ABCC4: variants seen among roughly 807,000 people sequenced by gnomAD.
The protein encoded by ABCC4 is ATP-binding cassette sub-family C member 4.
ABCC4 carries 102 observed loss-of-function variants against 168.5 expected under a neutral mutation model. That is an observed-to-expected ratio of 0.61 (90% CI 0.52 to 0.71). The LOEUF (loss-of-function observed/expected upper bound fraction) is 0.71. ABCC4 is among the 30% of genes least tolerant of loss of function. The pLI, the probability that ABCC4 is intolerant of heterozygous loss-of-function variation, is 0.00. For missense variants in ABCC4, 1,402 were observed against 1,605.8 expected (o/e 0.87, Z 2.17); for synonymous variants, 617 against 590.7 (o/e 1.04, Z -0.65).
At chr13:95,150,020 TG>T (rs1018735230) in intron 19 of ABCC4, among the ~76,000 whole-genome samples, 2 of 151,998 alleles carry the variant, frequency 1.3e-5, no homozygotes, top group Admixed American at 1.3e-4. Flanking sequence ...TTCCTAGGCT[TG>T]GGGGGGCAAT....
At chr13:95,159,176 T>C (rs1236046625) in intron 19 of ABCC4, among the ~76,000 whole-genome samples, 5 of 142,176 alleles carry the variant, frequency 3.5e-5, no homozygotes, top group African/African-American at 1.3e-4. Context: ...TTCTGAGGCG[T>C]AATTCACAGA....
At chr13:95,190,478 G>A (rs1159753101) in intron 9 of ABCC4, among the ~76,000 whole-genome samples, 1 of 152,178 alleles carries the variant, frequency 6.6e-6, no homozygotes, top group Non-Finnish European at 1.5e-5. Flanking sequence ...GCATGATAGG[G>A]ATAGTTTACC....
intron 20 of ABCC4, among the ~76,000 whole-genome samples, chr13:95,103,248 G>A (rs1303418700): frequency 2.0e-5 from 3 of 152,116 alleles, no homozygotes; most frequent in African/African-American, 7.2e-5. Flanking sequence ...CTGGGCGACA[G>A]AGCGAGACTC....
chr13:95,301,211 G>C (rs2041672297), intron 1 of ABCC4, 30 bp downstream of exon 1: 3 of 1,570,434 alleles, frequency 1.9e-6, no homozygotes, highest in African/African-American at 1.4e-5. Context: ...AGCGGCTGCA[G>C]GGTGACCTGT....
At chr13:95,162,757 T>C (rs1159046129) in intron 18 of ABCC4, among the ~76,000 whole-genome samples, 1 of 152,170 alleles carries the variant, frequency 6.6e-6, no homozygotes, top group East Asian at 1.9e-4. Context: ...ATTGGAACCA[T>C]CCGAACCACA....
chr13:95,058,594 A>AAAAG (rs1555306059), intron 26 of ABCC4, among the ~76,000 whole-genome samples: 4,995 of 39,434 alleles, frequency 0.13, 216 homozygotes, highest in East Asian at 0.22. Flanking sequence ...AAAAAAAAAG[A>AAAAG]AAAGAAAAAG....
chr13:95,071,094 C>T (rs2033708765), intron 25 of ABCC4, among the ~76,000 whole-genome samples: 2 of 151,976 alleles, frequency 1.3e-5, no homozygotes, highest in African/African-American at 2.4e-5. Flanking sequence ...TCTTTGCCTG[C>T]TGCCATCCAT....
At position 95,276,442 on chromosome 13, in the gene ABCC4, A is replaced by C. The variant is rs11840532; in HGVS notation, c.74+24799T>G. ...AAAAAAAAAAAAAAAAAGTGAACGA[A>C]GCTGCAATAAGCTGTGATCATACCA... On this transcript the variant is annotated intron_variant, in intron 1 of 30. Transcript: ENST00000645237. 3.2e-3 allele frequency among the ~76,000 whole-genome samples: 478 copies of C among 149,694 alleles called. 22 individuals are homozygous for C. In the East Asian group the frequency reaches 0.08, roughly 25 times the overall value.
rs913612776 is a variant in ABCC4 at position 95,188,629 on chromosome 13, T to C, written c.1264-87A>G. 12 of 1,070,058 alleles carry C rather than the reference T, an allele frequency of 1.1e-5. No individual in the cohort carries two copies. In the African/African-American group the frequency reaches 1.8e-4, roughly 16 times the overall value. The allele number at this position is 1,070,058 out of a possible 1,614,324, so 66.3% of individuals were successfully genotyped here. On this transcript the variant is annotated intron_variant, in intron 9 of 30. Transcript: ENST00000645237. ...AGAGAAGAAAACAATACAACAGTCA[T>C]TGATACATGAACATAACCCAAATCT...
chr13:95,068,380 C>G (rs1425583776), intron 25 of ABCC4, among the ~76,000 whole-genome samples: 1 of 152,198 alleles, frequency 6.6e-6, no homozygotes, highest in Non-Finnish European at 1.5e-5. Flanking sequence ...AATCCCAGCA[C>G]TTTGGGAGGT....
chr13:95,069,497 G>A (rs966802274), intron 25 of ABCC4, among the ~76,000 whole-genome samples: 3 of 152,158 alleles, frequency 2.0e-5, no homozygotes, highest in Middle Eastern at 3.2e-3. Flanking sequence ...ACTTGAAAAT[G>A]TTCAGTTCAA....
chr13:95,224,736 C>CAAA (rs57323662), intron 4 of ABCC4, among the ~76,000 whole-genome samples: 1 of 124,054 alleles, frequency 8.1e-6, no homozygotes. Flanking sequence ...GACTCTGTCT[C>CAAA]AAAAAAAAAA....
At chr13:95,057,920 T>G (rs2033125705) in intron 26 of ABCC4, among the ~76,000 whole-genome samples, 2 of 152,198 alleles carry the variant, frequency 1.3e-5, no homozygotes, top group African/African-American at 4.8e-5. Context: ...GAGGGGTGTA[T>G]GCTTTCTGCA....
intron 1 of ABCC4, among the ~76,000 whole-genome samples, chr13:95,282,246 T>C (rs1334558824): frequency 6.6e-6 from 1 of 151,708 alleles, no homozygotes; most frequent in African/African-American, 2.4e-5. Context: ...GCCCGTAATA[T>C]GGGTGATAAA....
Position 95,163,219 on chromosome 13 carries a change from A to G in ABCC4, c.2214-3T>C, listed in dbSNP as rs765881798. 2 of 1,592,632 alleles carry G rather than the reference A, an allele frequency of 1.3e-6. No homozygotes were observed. Among genetic ancestry groups the G allele is most frequent in the African/African-American group, 1.3e-5 (1 of 74,348 alleles). On this transcript the variant is annotated splice_region_variant and splice_polypyrimidine_tract_variant and intron_variant, in intron 17 of 30. Transcript: ENST00000645237. ...TTAGCATACTTTGTTTGTTTGCCCT[A>G]TGGAACATGGGGAGAAAAAAATATT... is the stretch of plus-strand genomic sequence containing the variant.
At chr13:95,064,086 AT>A (rs2033402389) in intron 25 of ABCC4, among the ~76,000 whole-genome samples, 3 of 152,074 alleles carry the variant, frequency 2.0e-5, no homozygotes, top group Non-Finnish European at 2.9e-5. Flanking sequence ...TCCACAAGGA[AT>A]TTTATCTTTA....
intron 1 of ABCC4, chr13:95,266,100 TGTGA>T (rs566723441): frequency 6.6e-6 from 1 of 152,218 alleles, no homozygotes; most frequent in Non-Finnish European, 1.5e-5. Flanking sequence ...CCCCAGTACC[TGTGA>T]GTATTACCTT....
At position 95,075,508 on chromosome 13, in the gene ABCC4, C is replaced by A. The variant is rs200537370; in HGVS notation, c.2730G>T (p.Gly910=). The change falls in exon 22 of 31, where the codon GGG becomes GGT. Residue 910 remains glycine, a synonymous_variant. Transcript: ENST00000645237. ...VFSHLSSSLQ[G]LWTIRAYKAE... is the part of the protein sequence containing the mutation. ...CTTTGTATGCCCGGATGGTCCAGAG[C>A]CCCTGGAGAGAAGATGATAAGTGGG... 6.2e-7 allele frequency: 1 copy of A among 1,614,048 alleles called. No individual in the cohort carries two copies. The highest frequency in any genetic ancestry group is 1.7e-5 in the Admixed American group (1 of 60,002).
At chr13:95,246,429 G>A (rs2040107198) in intron 3 of ABCC4, among the ~76,000 whole-genome samples, 1 of 152,218 alleles carries the variant, frequency 6.6e-6, no homozygotes. Flanking sequence ...GCCAGCCCAG[G>A]TGCAAGGCCC....
Sources: gnomAD v4.1 joint callset for allele counts (sites outside exome capture counted in the v4.1 genomes callset) on GRCh38, gnomAD v4.1.1 for gene constraint, MANE v1.5 for transcripts, NCBI Gene and HGNC (gene_info 2026-07-23, HGNC 2026-07-21) for gene names.